LYN: variants seen among roughly 807,000 people sequenced by gnomAD.
LYN encodes the protein LYN proto-oncogene, Src family tyrosine kinase.
In LYN, 12 loss-of-function variants were observed where a neutral mutation model predicts 65.0. The observed-to-expected ratio is 0.18, with a 90% CI of 0.12 to 0.30. LYN has a LOEUF of 0.30. LYN is among the 10% of genes least tolerant of loss of function. LYN has a pLI of 1.00. For synonymous variants in LYN, 222 were observed against 221.2 expected (o/e 1.00, Z -0.03); for missense variants, 380 against 623.2 (o/e 0.61, Z 4.16).
intron 1 of LYN, among the ~76,000 whole-genome samples, chr8:55,887,614 ATT>A (rs66536728): frequency 4.0e-5 from 5 of 124,584 alleles, no homozygotes; most frequent in African/African-American, 5.8e-5. Context: ...ATATATATAT[ATT>A]TTTTTTTTCC....
chr8:55,916,553 GT>G (rs1458684166), intron 1 of LYN, among the ~76,000 whole-genome samples: 1 of 152,196 alleles, frequency 6.6e-6, no homozygotes, highest in Non-Finnish European at 1.5e-5. Flanking sequence ...TGCAACAACT[GT>G]TTTAGATGGC....
chr8:55,974,017 G>T (rs747392020), intron 10 of LYN, among the ~76,000 whole-genome samples: 4 of 152,224 alleles, frequency 2.6e-5, no homozygotes, highest in Non-Finnish European at 5.9e-5. Flanking sequence ...GGTTGATACA[G>T]CACTTCTACC....
At chr8:55,975,722 A>G (rs1807733159) in intron 10 of LYN, among the ~76,000 whole-genome samples, 1 of 150,478 alleles carries the variant, frequency 6.6e-6, no homozygotes, top group South Asian at 2.1e-4. Flanking sequence ...GAATTGCAAA[A>G]GTGGATCATA....
chr8:55,997,444 G>A (rs902747346), intron 10 of LYN, among the ~76,000 whole-genome samples: 1 of 152,196 alleles, frequency 6.6e-6, no homozygotes, highest in Non-Finnish European at 1.5e-5. Flanking sequence ...TTTCATGTCT[G>A]ATGAGGGGCC....
At chr8:56,009,873 T>C in intron 12 of LYN, 35 bp from the exon 13 acceptor site, 6 of 1,585,154 alleles carry the variant, frequency 3.8e-6, no homozygotes, top group Non-Finnish European at 5.2e-6. Flanking sequence ...CTAAACGGCA[T>C]GGGTTTCTGT....
At chr8:55,995,599 C>T (rs1808352230) in intron 10 of LYN, among the ~76,000 whole-genome samples, 1 of 152,162 alleles carries the variant, frequency 6.6e-6, no homozygotes, top group African/African-American at 2.4e-5. Context: ...GATGCATGCA[C>T]ACCTGGCAGG....
At chr8:55,998,590 T>C in intron 11 of LYN, 91 bp downstream of exon 11, 1 of 1,244,336 alleles carries the variant, frequency 8.0e-7, no homozygotes, top group Non-Finnish European at 1.2e-6. Context: ...ATAGTCACCA[T>C]TAAGAAAAAC....
At chr8:55,979,251 A>G (rs1448452704) in intron 10 of LYN, among the ~76,000 whole-genome samples, 1 of 152,108 alleles carries the variant, frequency 6.6e-6, no homozygotes, top group Non-Finnish European at 1.5e-5. Context: ...CATGTTGGCC[A>G]GGCTGGTCCT....
rs1806916186 is a variant in LYN, at chr8:55,950,667, A to C, written c.384-14A>C. The C allele has an allele frequency of 6.2e-7, 1 of 1,603,162 alleles. No homozygotes were observed. The highest frequency in any genetic ancestry group is 1.1e-5 in the South Asian group (1 of 90,800). Reference sequence around the variant, plus strand: ...GGAACATAATATGCAGGAAATGTTGAAATGTCTTCACAGGTGGTTTTTCAA... The same window carrying C: ...GGAACATAATATGCAGGAAATGTTGCAATGTCTTCACAGGTGGTTTTTCAA... On this transcript the variant is annotated splice_polypyrimidine_tract_variant and intron_variant, in intron 5 of 12. Transcript: ENST00000519728.
At chr8:55,964,047 A>C (rs1439709542) in intron 8 of LYN, among the ~76,000 whole-genome samples, 2 of 152,194 alleles carry the variant, frequency 1.3e-5, no homozygotes, top group South Asian at 4.1e-4. Context: ...AGAAAAGGCC[A>C]TATTGCTTGT....
intron 1 of LYN, among the ~76,000 whole-genome samples, chr8:55,941,086 A>T (rs1019651006): frequency 2.6e-5 from 4 of 152,142 alleles, no homozygotes; most frequent in African/African-American, 9.7e-5. Context: ...AAGCCAGGCC[A>T]TCTTCCTAGG....
chr8:56,004,294 C>CTTTT (rs377562431), intron 12 of LYN, among the ~76,000 whole-genome samples: 9 of 125,262 alleles, frequency 7.2e-5, no homozygotes, highest in African/African-American at 2.5e-4. Flanking sequence ...GAAAGACTTC[C>CTTTT]TTTTTTTTTT....
At chr8:55,936,234 C>T (rs953743310) in intron 1 of LYN, among the ~76,000 whole-genome samples, 5 of 152,164 alleles carry the variant, frequency 3.3e-5, no homozygotes, top group African/African-American at 9.7e-5. Flanking sequence ...ACCTCTATTT[C>T]CCCAGGCTTC....
chr8:55,949,921 C>T (rs1431793124), intron 4 of LYN, among the ~76,000 whole-genome samples: 1 of 152,158 alleles, frequency 6.6e-6, no homozygotes, highest in Non-Finnish European at 1.5e-5. Flanking sequence ...TAGCTGTCAC[C>T]TCAACTCTCC....
intron 1 of LYN, among the ~76,000 whole-genome samples, chr8:55,923,081 G>A (rs1213285546): frequency 2.0e-5 from 3 of 152,156 alleles, no homozygotes; most frequent in Non-Finnish European, 4.4e-5. Flanking sequence ...GAAAGTGACA[G>A]GATGACTGAG....
chr8:55,930,183 C>T (rs1345693808), intron 1 of LYN, among the ~76,000 whole-genome samples: 1 of 152,236 alleles, frequency 6.6e-6, no homozygotes, highest in African/African-American at 2.4e-5. Flanking sequence ...TTGGGGACCA[C>T]TGCTCTAGCT....
chr8:55,937,830 G>A (rs1806479676), intron 1 of LYN, among the ~76,000 whole-genome samples: 1 of 152,102 alleles, frequency 6.6e-6, no homozygotes, highest in Admixed American at 6.6e-5. Context: ...TGAGAAGCTG[G>A]GACTACAGAC....
At chr8:55,886,467 C>T (rs1462069665) in intron 1 of LYN, among the ~76,000 whole-genome samples, 1 of 152,094 alleles carries the variant, frequency 6.6e-6, no homozygotes, top group Non-Finnish European at 1.5e-5. Flanking sequence ...AGCCTGGTCT[C>T]GAACACCTGA....
At chr8:55,882,701 A>G (rs1257272386) in intron 1 of LYN, among the ~76,000 whole-genome samples, 3 of 152,194 alleles carry the variant, frequency 2.0e-5, no homozygotes, top group Non-Finnish European at 2.9e-5. Flanking sequence ...AGCACCTTTC[A>G]TTTGTTCAGG....
Sources: allele counts gnomAD v4.1 joint callset (sites outside exome capture counted in the v4.1 genomes callset), GRCh38; gene constraint gnomAD v4.1.1; transcripts MANE v1.5; gene names NCBI Gene and HGNC (gene_info 2026-07-23, HGNC 2026-07-21).